Variants in AKR1C3 observed in about 807,000 individuals in gnomAD.
AKR1C3 encodes the protein 3-alpha hydroxysteroid dehydrogenase, type II.
In AKR1C3, 48 loss-of-function variants were observed where a neutral mutation model predicts 43.6. The observed-to-expected ratio is 1.10, with a 90% CI of 0.87 to 1.40. AKR1C3 has a LOEUF of 1.40. Among genes scored for constraint, AKR1C3 ranks in the 40% most tolerant of loss-of-function variants. AKR1C3 has a pLI of 0.00. For synonymous variants in AKR1C3, 162 were observed against 139.6 expected, an observed-to-expected ratio of 1.16 and a Z score of -1.13; for missense variants, 482 against 391.2, an observed-to-expected ratio of 1.23 and a Z score of -1.96.
chr10:5,094,498 A>T lies in AKR1C3; in HGVS notation c.54A>T (p.Val18=), dbSNP rs1343584768. 5 of 1,612,872 alleles carry T rather than the reference A, an allele frequency of 3.1e-6. No individual in the cohort carries two copies. The African/African-American group carries it at 6.7e-5, about 22-fold the overall frequency. ...VKLNDGHFMP[V]LGFGTYAPPE... is the part of the protein sequence containing the mutation. ...TAAATGATGGCCACTTCATGCCTGT[A>T]TTGGGATTTGGCACCTATGCACCTC... The change falls in exon 1 of 9, where the codon GTA becomes GTT. Residue 18 remains valine (V), a synonymous_variant. Transcript: ENST00000380554.
In AKR1C3 at chr10:5,082,885, T is replaced by C. The variant is rs375767276; in HGVS notation, c.85-13525T>C. ...AAATTGGTACCAGCTCTTCTTTCCA[T>C]GTGTGGCAGAATTGAGTTGTGAATC... On this transcript the variant is annotated intron_variant, in intron 1 of 8. Transcript: ENST00000439082. 2.6e-5 allele frequency among the ~76,000 whole-genome samples: 4 copies of C among 152,298 alleles called. No individual in the cohort carries two copies. The East Asian group carries it at 5.8e-4, about 22-fold the overall frequency.
chr10:5,099,513 AATATCTGTTTGT>A, intron 5 of AKR1C3, 64 bp downstream of exon 5: 5 of 1,607,856 alleles, frequency 3.1e-6, no homozygotes, highest in Non-Finnish European at 4.3e-6. Context: ...CCTATTGCCA[AATATCTGTTTGT>A]TTTGTCCCAG....
chr10:5,098,114 A>G (rs1839256306), intron 3 of AKR1C3: 2 of 986,870 alleles, frequency 2.0e-6, no homozygotes, highest in Non-Finnish European at 2.4e-6. Context: ...ATTTAAAGTT[A>G]CAGAAAACTA....
chr10:5,049,505 A>T (rs1838108484), intron 1 of AKR1C3, among the ~76,000 whole-genome samples: 1 of 152,228 alleles, frequency 6.6e-6, no homozygotes. Flanking sequence ...GAACCTAACA[A>T]GTTACGTTTA....
At chr10:5,072,600 A>C (rs1838634751) in intron 1 of AKR1C3, among the ~76,000 whole-genome samples, 2 of 152,208 alleles carry the variant, frequency 1.3e-5, no homozygotes, top group Admixed American at 6.5e-5. Flanking sequence ...AAATATCAAG[A>C]AAGATAACTT....
At position 5,085,089 on chromosome 10, in the gene AKR1C3, C is replaced by T. The variant is rs531094357; in HGVS notation, c.85-11321C>T. Among the ~76,000 whole-genome samples the T allele has an allele frequency of 9.1e-3, 1,377 of 152,120 alleles. 21 individuals are homozygous for T. The highest frequency in any genetic ancestry group is 0.031 in the African/African-American group (1,295 of 41,444). On this transcript the variant is annotated intron_variant, in intron 1 of 8. Coordinates refer to the AKR1C3 transcript ENST00000439082. Reference sequence around the variant, plus strand: ...TTTATTTCCTTCTCCTGCCTGATTGCCCTGGCCAGAACTTCCAACACTGTT... The same window carrying T: ...TTTATTTCCTTCTCCTGCCTGATTGTCCTGGCCAGAACTTCCAACACTGTT...
intron 1 of AKR1C3, 62 bp downstream of exon 1, chr10:5,094,590 C>A: frequency 1.3e-6 from 2 of 1,563,006 alleles, no homozygotes; most frequent in South Asian, 2.2e-5. Context: ...AAGTGAAACC[C>A]GTATTGGGTT....
rs370769193 is a variant in AKR1C3 at position 5,102,614 on chromosome 10, G to T, written c.810G>T (p.Lys270Asn). ...AGCGTGGGGTTGTGGTCCTGGCCAAGAGCTACAATGAGCAGCGCATCAGAC... is the reference window on the plus strand; with the variant it reads ...AGCGTGGGGTTGTGGTCCTGGCCAATAGCTACAATGAGCAGCGCATCAGAC... ...QLQRGVVVLA[K>N]SYNEQRIRQN... The change falls in exon 7 of 9, where the codon AAG becomes AAT. Residue 270 changes from lysine (K) to asparagine (N), a missense_variant. Transcript: ENST00000380554. 1 of 1,505,934 alleles carries T rather than the reference G, an allele frequency of 6.6e-7. No homozygotes were observed. Among genetic ancestry groups the T allele is most frequent in the Non-Finnish European group, 8.9e-7 (1 of 1,126,344 alleles). The allele number at this position is 1,505,934 out of a possible 1,614,324, so 93.3% of individuals were successfully genotyped here.
rs376418943 is a variant in AKR1C3, at chr10:5,097,383, G to T, written c.253-51G>T. 141 of 1,598,304 alleles carry T rather than the reference G, an allele frequency of 8.8e-5. 1 individual carries two copies. In the African/African-American group the frequency reaches 1.8e-3, roughly 20 times the overall value. ...AATACTAGATGGCACAAAGTAATAA[G>T]ATTTGCTCAAGCATTCATTCAAAAT... On this transcript the variant is annotated intron_variant, in intron 2 of 8. Coordinates refer to ENST00000380554, the MANE Select transcript of AKR1C3 (RefSeq NM_003739.6).
Position 5,094,434 on chromosome 10 carries a change from A to C in AKR1C3, c.-11A>C. On this transcript the variant is annotated 5_prime_UTR_variant, in exon 1 of 9. Transcript: ENST00000380554. ...GCAGCAAACATTTGCTAGTCAGACA[A>C]GTGACAGGGAATGGATTCCAAACAC... 6.2e-7 allele frequency: 1 copy of C among 1,609,000 alleles called. No individual in the cohort carries two copies. Among genetic ancestry groups the C allele is most frequent in the Non-Finnish European group, 8.5e-7 (1 of 1,175,618 alleles).
chr10:5,058,469 G>C (rs1838309391), intron 1 of AKR1C3, among the ~76,000 whole-genome samples: 2 of 152,168 alleles, frequency 1.3e-5, no homozygotes, highest in South Asian at 4.1e-4. Flanking sequence ...GGTCCCAATG[G>C]CTTAGGATGC....
At chr10:5,059,954 C>T (rs933381859) in intron 1 of AKR1C3, among the ~76,000 whole-genome samples, 8 of 152,070 alleles carry the variant, frequency 5.3e-5, no homozygotes, top group Non-Finnish European at 1.2e-4. Flanking sequence ...TTTTTTCCTT[C>T]TGATGTTTGG....
intron 1 of AKR1C3, chr10:5,077,712 CT>C: frequency 8.6e-7 from 1 of 1,168,248 alleles, no homozygotes; most frequent in East Asian, 4.0e-5. Context: ...ACATTTAATC[CT>C]TTTCCCTTTA....
upstream of AKR1C3, among the ~76,000 whole-genome samples, chr10:5,091,815 A>G (rs1423676456): frequency 6.6e-6 from 1 of 152,172 alleles, no homozygotes; most frequent in African/African-American, 2.4e-5. Flanking sequence ...TTAAACGTTG[A>G]AGAAGTGTAG....
intron 1 of AKR1C3, among the ~76,000 whole-genome samples, chr10:5,052,953 C>T (rs931591458): frequency 2.6e-5 from 4 of 151,944 alleles, no homozygotes; most frequent in African/African-American, 7.3e-5. Context: ...TAGCTAGATA[C>T]AGAGTGCCGA....
At chr10:5,053,142 C>T (rs1554779147) in intron 1 of AKR1C3, among the ~76,000 whole-genome samples, 1 of 152,248 alleles carries the variant, frequency 6.6e-6, no homozygotes, top group African/African-American at 2.4e-5. Flanking sequence ...GTGCCATGCG[C>T]CCGCACTCCT....
At chr10:5,104,867 T>TGTGTAGAAATGTTAA (rs1418402682) in intron 7 of AKR1C3, among the ~76,000 whole-genome samples, 2 of 152,206 alleles carry the variant, frequency 1.3e-5, no homozygotes, top group Non-Finnish European at 2.9e-5. Flanking sequence ...GATTTTCTAA[T>TGTGTAGAAATGTTAA]GTGTAGAAAT....
intron 1 of AKR1C3, among the ~76,000 whole-genome samples, chr10:5,052,962 G>A (rs949538816): frequency 3.9e-5 from 6 of 152,102 alleles, no homozygotes; most frequent in Non-Finnish European, 8.8e-5. Flanking sequence ...ACAGAGTGCC[G>A]ATTGGTGCAT....
chr10:5,073,756 A>T (rs1838657213), intron 1 of AKR1C3, among the ~76,000 whole-genome samples: 2 of 152,178 alleles, frequency 1.3e-5, no homozygotes, highest in Non-Finnish European at 2.9e-5. Flanking sequence ...TATCAAGAAC[A>T]TCACCCTCAC....
Sources: allele counts gnomAD v4.1 joint callset (sites outside exome capture counted in the v4.1 genomes callset), GRCh38; gene constraint gnomAD v4.1.1; transcripts MANE v1.5; gene names NCBI Gene and HGNC (gene_info 2026-07-23, HGNC 2026-07-21).